Variants in SEC23IP observed in about 807,000 individuals in gnomAD.
SEC23IP encodes SEC23 interacting protein, also known as SEC23-interacting protein.
A neutral mutation model predicts 113.4 loss-of-function variants in SEC23IP; 70 were observed. The ratio of observed to expected loss-of-function variants is 0.62; its 90% CI spans 0.51 to 0.75. The LOEUF is 0.75. SEC23IP is among the 30% of genes least tolerant of loss of function. The pLI, the probability that SEC23IP is intolerant of heterozygous loss-of-function variation, is 0.00. For missense variants in SEC23IP, 1,160 were observed against 1,204.9 expected (o/e 0.96, Z 0.55); for synonymous variants, 398 against 421.0 (o/e 0.95, Z 0.67).
intron 14 of SEC23IP, among the ~76,000 whole-genome samples, 157 bp downstream of exon 14, chr10:119,929,919 G>C (rs1855540730): frequency 1.3e-5 from 2 of 152,144 alleles, no homozygotes; most frequent in South Asian, 4.1e-4. Flanking sequence ...AAATCGCTAG[G>C]ATTATAGGCG....
In SEC23IP at chr10:119,933,025, C is replaced by T. The variant is rs777637887; in HGVS notation, c.2779C>T (p.Pro927Ser). ...VVEAEKVVES[P>S]DFSKDEDYLG... The stretch of plus-strand genomic sequence containing the variant: ...TCTAGCAGAAAAGGTTGTTGAAAGT[C>T]CAGATTTTTCCAAGGATGAGGACTA... The change falls in exon 17 of 19, where the codon CCA becomes TCA. Residue 927 changes from proline to serine, a missense_variant. By Grantham distance (74) the Pro-to-Ser change is moderately conservative. Coordinates refer to ENST00000369075, the MANE Select transcript of SEC23IP (RefSeq NM_007190.4). 8.7e-6 allele frequency: 14 copies of T among 1,613,272 alleles called. No homozygotes were observed. In the Admixed American group the frequency reaches 1.8e-4, roughly 21 times the overall value.
At chr10:119,918,358 A>T in intron 9 of SEC23IP, 35 bp from the exon 10 acceptor site, 2 of 1,248,600 alleles carry the variant, frequency 1.6e-6, no homozygotes, top group East Asian at 2.3e-5. Flanking sequence ...AAAAGTACCT[A>T]CTACATTATA....
intron 16 of SEC23IP, 58 bp from the exon 17 acceptor site, chr10:119,932,947 A>G (rs1363473569): frequency 6.7e-7 from 1 of 1,502,946 alleles, no homozygotes; most frequent in Non-Finnish European, 9.2e-7. Context: ...AAGTCAGCTA[A>G]AGTCAAAGGA....
intron 2 of SEC23IP, among the ~76,000 whole-genome samples, chr10:119,900,283 G>T (rs1564905240): frequency 6.6e-6 from 1 of 150,514 alleles, no homozygotes; most frequent in South Asian, 2.1e-4. Context: ...GTGTGTGTAT[G>T]TGTGTGTGTG....
rs552992099 is a variant in SEC23IP at position 119,942,936 on chromosome 10, A to G, written c.*2371A>G. On this transcript the variant is annotated 3_prime_UTR_variant, in exon 19 of 19. Coordinates refer to ENST00000369075, the MANE Select transcript of SEC23IP (RefSeq NM_007190.4). ...AGGTGTGATCTATATAGAACCCTGT[A>G]CATGAAAAGGAGGAGATGCCGCTAT... 5.9e-5 allele frequency: 9 copies of G among 152,344 alleles called. No individual in the cohort carries two copies. The highest frequency in any genetic ancestry group is 2.2e-4 in the African/African-American group (9 of 41,580). 9.4% of individuals were successfully genotyped at this position (152,344 alleles called of 1,614,324 possible).
chr10:119,905,147 A>G (rs912576696), intron 4 of SEC23IP, among the ~76,000 whole-genome samples: 32 of 151,832 alleles, frequency 2.1e-4, no homozygotes, highest in Admixed American at 1.1e-3. Flanking sequence ...AAAAAAAAAA[A>G]GTATATATTT....
Position 119,933,670 on chromosome 10 carries a change from CT to C in SEC23IP, c.2922-12del. On this transcript the variant is annotated splice_polypyrimidine_tract_variant and intron_variant, in intron 17 of 18. Coordinates refer to ENST00000369075, the MANE Select transcript of SEC23IP (RefSeq NM_007190.4). Reference sequence around the variant, plus strand: ...TCTAATTGTCTCTTAAGTAAATATGCTTTTCCTTTTCATAGGGAATCTGAAG... The same window carrying C: ...TCTAATTGTCTCTTAAGTAAATATGCTTTCCTTTTCATAGGGAATCTGAAG... 1 of 1,387,172 alleles carries C rather than the reference CT, an allele frequency of 7.2e-7. No individual in the cohort carries two copies. 85.9% of individuals were successfully genotyped at this position (1,387,172 alleles called of 1,614,324 possible).
intron 3 of SEC23IP, 94 bp downstream of exon 3, chr10:119,903,103 C>A: frequency 9.7e-7 from 1 of 1,032,396 alleles, no homozygotes. Flanking sequence ...ATGTCAAATA[C>A]CTTAATCCTT....
At chr10:119,933,247 C>G (rs1291525503) in intron 17 of SEC23IP, 80 bp downstream of exon 17, 1 of 1,090,220 alleles carries the variant, frequency 9.2e-7, no homozygotes, top group South Asian at 1.4e-5. Flanking sequence ...TAGTGAGATT[C>G]TTTTACTGAT....
rs775542426 is a variant in SEC23IP at position 119,898,820 on chromosome 10, C to T, written c.557C>T (p.Thr186Ile). 2.5e-6 allele frequency: 4 copies of T among 1,614,054 alleles called. No individual in the cohort carries two copies. Among genetic ancestry groups the T allele is most frequent in the Non-Finnish European group, 3.4e-6 (4 of 1,180,022 alleles). The change falls in exon 2 of 19, where the codon ACC (threonine) becomes ATC (isoleucine). Residue 186 changes from threonine (T) to isoleucine (I), a missense_variant. Transcript: ENST00000369075. The stretch of plus-strand genomic sequence containing the variant: ...CCAGGATACAATCCATATCGCCATA[C>T]CCCTGGCAGCAGCAGGGCTAATCCT... ...PQPGYNPYRH[T>I]PGSSRANPYI...
intron 12 of SEC23IP, among the ~76,000 whole-genome samples, chr10:119,922,458 A>G (rs1855280137): frequency 2.0e-5 from 3 of 152,166 alleles, no homozygotes; most frequent in Admixed American, 6.6e-5. Flanking sequence ...TGCTTATTCT[A>G]TCACAAGTTA....
At chr10:119,936,650 A>G (rs1474013714) in intron 18 of SEC23IP, among the ~76,000 whole-genome samples, 2 of 151,452 alleles carry the variant, frequency 1.3e-5, no homozygotes, top group African/African-American at 4.9e-5. Context: ...AAAGGCCAGT[A>G]TGCTTGCACT....
chr10:119,917,379 ATTT>A (rs199693190), intron 8 of SEC23IP, among the ~76,000 whole-genome samples: 2 of 139,724 alleles, frequency 1.4e-5, no homozygotes, highest in Non-Finnish European at 1.6e-5. Flanking sequence ...TTTGATTTAA[ATTT>A]TTTTTTTTTT....
chr10:119,910,493 T>G (rs932187734), intron 5 of SEC23IP, among the ~76,000 whole-genome samples: 9 of 152,198 alleles, frequency 5.9e-5, no homozygotes, highest in African/African-American at 2.2e-4. Context: ...ATTTATTCAT[T>G]TGTTTTTATA....
At chr10:119,903,983 G>A in intron 3 of SEC23IP, 101 bp from the exon 4 acceptor site, 3 of 1,248,100 alleles carry the variant, frequency 2.4e-6, no homozygotes, top group Non-Finnish European at 2.3e-6. Context: ...GCCTCCCAGG[G>A]TGCTGGGATT....
At chr10:119,917,035 ATTTT>A (rs1472390647) in intron 8 of SEC23IP, among the ~76,000 whole-genome samples, 1 of 151,902 alleles carries the variant, frequency 6.6e-6, no homozygotes, top group African/African-American at 2.4e-5. Flanking sequence ...TGCCTGGCTA[ATTTT>A]TAAATTTTCT....
chr10:119,929,589 T>G lies in SEC23IP; in HGVS notation c.2314-18T>G. ...ACATTGGAACAATCATCTTTCATTG[T>G]TATTTGATTCTTTCCAGGTTTCTGT... On this transcript the variant is annotated intron_variant, in intron 13 of 18. Coordinates refer to ENST00000369075, the MANE Select transcript of SEC23IP (RefSeq NM_007190.4). 6.3e-7 allele frequency: 1 copy of G among 1,596,492 alleles called. No homozygotes were observed. Among genetic ancestry groups the G allele is most frequent in the Non-Finnish European group, 8.6e-7 (1 of 1,167,262 alleles).
intron 6 of SEC23IP, among the ~76,000 whole-genome samples, chr10:119,912,396 G>A (rs932660805): frequency 1.3e-5 from 2 of 152,110 alleles, no homozygotes; most frequent in South Asian, 4.1e-4. Context: ...GCCTCCCAGA[G>A]TGCTGGAATT....
At chr10:119,917,656 G>C (rs1243392769) in intron 8 of SEC23IP, among the ~76,000 whole-genome samples, 180 bp from the exon 9 acceptor site, 2 of 152,146 alleles carry the variant, frequency 1.3e-5, no homozygotes, top group African/African-American at 2.4e-5. Context: ...TGGGATTACA[G>C]GTGTGAGCCA....
Sources: allele counts gnomAD v4.1 joint callset (sites outside exome capture counted in the v4.1 genomes callset), GRCh38; gene constraint gnomAD v4.1.1; transcripts MANE v1.5; gene names NCBI Gene and HGNC (gene_info 2026-07-23, HGNC 2026-07-21).